The following ACTR3B variants were observed in gnomAD, a reference collection of about 807,000 sequenced individuals.
ACTR3B encodes the protein actin related protein 3B, also known as actin-related protein 3B.
A neutral mutation model predicts 59.0 loss-of-function variants in ACTR3B; 8 were observed. The observed-to-expected ratio is 0.14, with a 90% CI of 0.08 to 0.24. ACTR3B has a LOEUF of 0.24. Ranked by LOEUF, ACTR3B falls within the 10% of genes least tolerant of loss-of-function variation. ACTR3B has a pLI of 1.00. For missense variants in ACTR3B, 245 were observed against 552.3 expected, an observed-to-expected ratio of 0.44 and a Z score of 5.58; for synonymous variants, 148 against 197.9, an observed-to-expected ratio of 0.75 and a Z score of 2.12.
chr7:152,794,488 T>A (rs2098208937), intron 2 of ACTR3B, among the ~76,000 whole-genome samples: 2 of 152,248 alleles, frequency 1.3e-5, no homozygotes, highest in African/African-American at 4.8e-5. Flanking sequence ...AGTGTTGGGA[T>A]TACAGGCGTG....
intron 2 of ACTR3B, among the ~76,000 whole-genome samples, chr7:152,795,668 C>A (rs1213831730): frequency 6.6e-6 from 1 of 152,128 alleles, no homozygotes; most frequent in Non-Finnish European, 1.5e-5. Context: ...AGCTGAAAAA[C>A]CAATATATCC....
rs549650278 is a variant in ACTR3B at position 152,824,610 on chromosome 7, T to C, written c.859-420T>C. 8.7e-4 allele frequency among the ~76,000 whole-genome samples: 133 copies of C among 152,364 alleles called. No homozygotes were observed. The highest frequency in any genetic ancestry group is 3.1e-3 in the African/African-American group (129 of 41,596). ...TCTTCTAGACCAGGTTTAATTAATC[T>C]TTCATTGAACCTATTTCTTTTTCCT... On this transcript the variant is annotated intron_variant, in intron 8 of 11. Transcript: ENST00000256001. The surrounding 1 kb of genome is among the most constrained non-coding windows in gnomAD (Gnocchi z 4.2).
chr7:152,851,682 T>TTCCTTTCC (rs1378453847), intron 9 of ACTR3B, among the ~76,000 whole-genome samples: 1 of 152,202 alleles, frequency 6.6e-6, no homozygotes, highest in Non-Finnish European at 1.5e-5. Flanking sequence ...TCCGGTAACT[T>TTCCTTTCC]GGATGCTTTC....
intron 4 of ACTR3B, among the ~76,000 whole-genome samples, chr7:152,806,992 C>T (rs950432206): frequency 1.3e-5 from 2 of 152,174 alleles, no homozygotes; most frequent in African/African-American, 2.4e-5. Context: ...GAGAGTGTCA[C>T]CCATGTTAGG....
At chr7:152,775,591 C>G (rs1480881632) in intron 1 of ACTR3B, among the ~76,000 whole-genome samples, 1 of 151,940 alleles carries the variant, frequency 6.6e-6, no homozygotes, top group Non-Finnish European at 1.5e-5. Context: ...GAAACCCTGT[C>G]TCTACTAAAA....
intron 10 of ACTR3B, 73 bp downstream of exon 10, chr7:152,852,324 A>AGCCGAAGGAGCTTGTCTGG: frequency 6.6e-7 from 1 of 1,515,064 alleles, no homozygotes; most frequent in South Asian, 1.3e-5. Context: ...CCTGACACAG[A>AGCCGAAGGAGCTTGTCTGG]GCCGAAGGAG....
chr7:152,760,854 G>C (rs1176423790), intron 1 of ACTR3B, among the ~76,000 whole-genome samples: 2 of 152,144 alleles, frequency 1.3e-5, no homozygotes, highest in East Asian at 1.9e-4. Context: ...TGCGTTATGG[G>C]TGTAGTGCTT....
chr7:152,770,294 C>T (rs955198078), intron 1 of ACTR3B, among the ~76,000 whole-genome samples: 4 of 152,186 alleles, frequency 2.6e-5, no homozygotes, highest in East Asian at 1.9e-4. Context: ...GTGGCATCCC[C>T]GCCCATCTCT....
At chr7:152,787,350 A>G (rs1001533665) in intron 2 of ACTR3B, among the ~76,000 whole-genome samples, 13 of 151,664 alleles carry the variant, frequency 8.6e-5, no homozygotes, top group East Asian at 7.7e-4. Context: ...AATTATAGGA[A>G]CTCTTTGTAG....
intron 1 of ACTR3B, among the ~76,000 whole-genome samples, chr7:152,780,223 C>T (rs1247710253): frequency 1.3e-5 from 2 of 151,650 alleles, no homozygotes; most frequent in South Asian, 2.1e-4. Context: ...TGGTGGCAGG[C>T]GCCTGTAATT....
At chr7:152,790,008 T>C (rs1463511310) in intron 2 of ACTR3B, among the ~76,000 whole-genome samples, 1 of 150,666 alleles carries the variant, frequency 6.6e-6, no homozygotes, top group African/African-American at 2.5e-5. Flanking sequence ...TTTTTTTTTT[T>C]TTTTTTTTTT....
intron 9 of ACTR3B, among the ~76,000 whole-genome samples, chr7:152,838,960 A>G: frequency 6.6e-6 from 1 of 152,154 alleles, no homozygotes; most frequent in East Asian, 1.9e-4. Context: ...GAGCATCCCC[A>G]GAACAGCAAG....
chr7:152,830,764 T>C (rs921960069), intron 9 of ACTR3B, among the ~76,000 whole-genome samples: 2 of 152,114 alleles, frequency 1.3e-5, no homozygotes, highest in Non-Finnish European at 2.9e-5. Flanking sequence ...TTGCTCAGGC[T>C]GGTCTTAAAC....
intron 9 of ACTR3B, among the ~76,000 whole-genome samples, chr7:152,837,844 G>C (rs1797590050): frequency 1.3e-5 from 2 of 151,914 alleles, no homozygotes; most frequent in Admixed American, 6.6e-5. Flanking sequence ...TCAAGCACCA[G>C]GAAAGGGATG....
intron 1 of ACTR3B, among the ~76,000 whole-genome samples, chr7:152,782,426 CT>C (rs2098157411): frequency 6.6e-6 from 1 of 152,042 alleles, no homozygotes; most frequent in South Asian, 2.1e-4. Context: ...ACCACCCCCC[CT>C]TTTATATTTA....
chr7:152,789,038 C>CAACAAA (rs776229681), intron 2 of ACTR3B, among the ~76,000 whole-genome samples: 6 of 106,716 alleles, frequency 5.6e-5, no homozygotes, highest in Non-Finnish European at 8.0e-5. Flanking sequence ...ACAACAACAA[C>CAACAAA]AACAACAACA....
At chr7:152,852,287 T>TATTGCCCCAGGCCTGACCGGGGCC (rs1346452451) in intron 10 of ACTR3B, 36 bp downstream of exon 10, 1 of 1,574,650 alleles carries the variant, frequency 6.4e-7, no homozygotes, top group Non-Finnish European at 8.6e-7. Flanking sequence ...TGCCTGGGGC[T>TATTGCCCCAGGCCTGACCGGGGCC]ATTGCCCCAG....
intron 4 of ACTR3B, chr7:152,812,752 T>C (rs1313449343): frequency 6.7e-6 from 1 of 149,764 alleles, no homozygotes; most frequent in Non-Finnish European, 1.5e-5. Flanking sequence ...AGTGTGGCCC[T>C]ATGTGTCCTA....
intron 3 of ACTR3B, among the ~76,000 whole-genome samples, chr7:152,801,359 G>T (rs1161599634): frequency 3.3e-5 from 5 of 152,324 alleles, no homozygotes; most frequent in Non-Finnish European, 7.3e-5. Flanking sequence ...GATTAGAGGC[G>T]TGAGCCACTG....
Sources: gnomAD v4.1 joint callset for allele counts (sites outside exome capture counted in the v4.1 genomes callset) on GRCh38, gnomAD v4.1.1 for gene constraint, Gnocchi (gnomAD v3.1) non-coding constraint, MANE v1.5 for transcripts, NCBI Gene and HGNC (gene_info 2026-07-23, HGNC 2026-07-21) for gene names.